Variants in ATG2A observed in about 807,000 individuals in gnomAD.
ATG2A encodes autophagy related 2A.
In ATG2A, 103 loss-of-function variants were observed where a neutral mutation model predicts 214.2. The observed-to-expected ratio is 0.48, with a 90% confidence interval of 0.41 to 0.57. The LOEUF (loss-of-function observed/expected upper bound fraction) is 0.57. Among genes scored for constraint, ATG2A ranks in the 20% least tolerant of loss-of-function variants. ATG2A has a pLI of 0.00. For synonymous variants in ATG2A, 1,160 were observed against 1,142.1 expected (o/e 1.02, Z -0.32); for missense variants, 2,312 against 2,613.2 (o/e 0.88, Z 2.51).
At position 64,912,384 on chromosome 11, in the gene ATG2A, G is replaced by A. The variant is rs373235409; in HGVS notation, c.865C>T (p.Leu289=). The change falls in exon 7 of 41, where the codon CTG becomes TTG. Residue 289 remains leucine (L), a synonymous_variant. Transcript: ENST00000377264. ...AGQLGSLHLL[L]TPRQLQQLQE... is the part of the protein sequence containing the mutation. ...AGTTGCTGGAGCTGCCTCGGGGTCA[G>A]GAGCAGGTGCAGGGAGCCCAGCTGT... The A allele has an allele frequency of 7.7e-6, 12 of 1,559,212 alleles. No individual in the cohort carries two copies. The highest frequency in any genetic ancestry group is 1.0e-5 in the Non-Finnish European group (12 of 1,151,942).
chr11:64,902,850 A>T lies in ATG2A; in HGVS notation c.3613-170T>A, dbSNP rs938164233. On this transcript the variant is annotated intron_variant, in intron 26 of 40. Coordinates refer to ENST00000377264, the MANE Select transcript of ATG2A (RefSeq NM_015104.3). ...CAGTAACTCCACTGAACAGATGAACAAACTGTTCACCCAGAGGGTGAAAGG... is the reference window on the plus strand; with the variant it reads ...CAGTAACTCCACTGAACAGATGAACTAACTGTTCACCCAGAGGGTGAAAGG... Among the ~76,000 whole-genome samples, 4 of 152,108 alleles carry T rather than the reference A, an allele frequency of 2.6e-5. No individual in the cohort carries two copies. The South Asian group carries it at 8.3e-4, about 31-fold the overall frequency.
In ATG2A at chr11:64,911,157, A is replaced by G. The variant is rs1565063907; in HGVS notation, c.1347T>C (p.Pro449=). ...LQTSAPSSGP[P]DLATHFFTEF... ...CGGTGAAAAAGTGCGTGGCGAGGTC[A>G]GGTGGTCCGGAAGATGGGGCAGACG... is the stretch of plus-strand genomic sequence containing the variant. The change falls in exon 10 of 41, where the codon CCT becomes CCC. Residue 449 remains proline, a synonymous_variant. Coordinates refer to ENST00000377264, the MANE Select transcript of ATG2A (RefSeq NM_015104.3). 2 of 1,614,132 alleles carry G rather than the reference A, an allele frequency of 1.2e-6. No homozygotes were observed. Among genetic ancestry groups the G allele is most frequent in the Non-Finnish European group, 1.7e-6 (2 of 1,180,022 alleles).
rs375146931 is a variant in ATG2A at position 64,895,428 on chromosome 11, G to C, written c.5442C>G (p.Thr1814=). ...CTGCCGGGGACAGGATGTCATACACGGTCTCAGCTGTGGCCTGGGGGACAT... is the reference window on the plus strand; with the variant it reads ...CTGCCGGGGACAGGATGTCATACACCGTCTCAGCTGTGGCCTGGGGGACAT... ...LVQAIQATAE[T]VYDILSPAAP... Residue 1814 remains threonine (T), a synonymous_variant, in exon 40 of 41, where the codon ACC becomes ACG. Transcript: ENST00000377264. The surrounding 1 kb of genome is among the most constrained non-coding windows in gnomAD (Gnocchi z 5.0). 3 of 1,592,404 alleles carry C rather than the reference G, an allele frequency of 1.9e-6. No individual in the cohort carries two copies. The highest frequency in any genetic ancestry group is 2.3e-5 in the South Asian group (2 of 88,598).
chr11:64,895,129 C>T lies in ATG2A; in HGVS notation c.5661G>A (p.Gly1887=), dbSNP rs373819205. Reference sequence around the variant, plus strand: ...TCGGGGGCAGCTGGCGGATCACGCCCCCCACGGCGCCCGTCAGCCCCTTCT... The same window carrying T: ...TCGGGGGCAGCTGGCGGATCACGCCTCCCACGGCGCCCGTCAGCCCCTTCT... ...HEQKGLTGAV[G]GVIRQLPPTV... The change falls in exon 41 of 41, where the codon GGG becomes GGA. Residue 1887 remains glycine, a synonymous_variant. Transcript: ENST00000377264. The surrounding 1 kb of genome is among the most constrained non-coding windows in gnomAD (Gnocchi z 5.0). 20 of 1,612,944 alleles carry T rather than the reference C, an allele frequency of 1.2e-5. No individual in the cohort carries two copies. The African/African-American group carries it at 1.7e-4, about 14-fold the overall frequency.
rs1336456909 is a variant in ATG2A at position 64,910,653 on chromosome 11, T to C, written c.1670A>G (p.His557Arg). 5.6e-6 allele frequency: 9 copies of C among 1,609,174 alleles called. No homozygotes were observed. In the Admixed American group the frequency reaches 1.0e-4, roughly 18 times the overall value. The stretch of plus-strand genomic sequence containing the variant: ...GCGCAGGATCTGTGTGTGGCGCAGA[T>C]GGGCGCAGGGCCGAGCTGAGGCCTG... ...GSQASARPCA[H>R]LRHTQILRRV... is the part of the protein sequence containing the mutation. Residue 557 changes from histidine (H) to arginine (R), a missense_variant, in exon 12 of 41, where the codon CAT (histidine) becomes CGT (arginine). By Grantham distance (29) the His-to-Arg change is conservative. Coordinates refer to ENST00000377264, the MANE Select transcript of ATG2A (RefSeq NM_015104.3).
rs1555184361 is a variant in ATG2A at position 64,903,662 on chromosome 11, T to TG, written c.3465-3dup. On this transcript the variant is annotated splice_region_variant and splice_polypyrimidine_tract_variant and intron_variant, in intron 24 of 40. Coordinates refer to ENST00000377264, the MANE Select transcript of ATG2A (RefSeq NM_015104.3). The surrounding 1 kb of genome is among the most constrained non-coding windows in gnomAD (Gnocchi z 4.2). ...AAGGCGGAGTCATCGAGGATGAACC[T>TG]GGGGGGGAACAGGGCTGAGAAGGGC... 16 of 1,548,834 alleles carry TG rather than the reference T, an allele frequency of 1.0e-5. No homozygotes were observed. The highest frequency in any genetic ancestry group is 2.4e-5 in the East Asian group (1 of 40,862).
chr11:64,905,425 C>T (rs1203685320), intron 24 of ATG2A, 138 bp downstream of exon 24: 19 of 987,986 alleles, frequency 1.9e-5, no homozygotes, highest in Admixed American at 8.4e-5. Flanking sequence ...TCTAGAAAGG[C>T]GGAAACAATC....
At chr11:64,910,975 G>A (rs200143893) in intron 10 of ATG2A, 21 bp from the exon 11 acceptor site, 135 of 1,613,494 alleles carry the variant, frequency 8.4e-5, no homozygotes, top group East Asian at 7.4e-4. Flanking sequence ...GAGGACAGGC[G>A]TCAGAAGGTG....
chr11:64,898,436 G>T lies in ATG2A; in HGVS notation c.4672-74C>A, dbSNP rs1375862174. 1 of 1,408,822 alleles carries T rather than the reference G, an allele frequency of 7.1e-7. No individual in the cohort carries two copies. The highest frequency in any genetic ancestry group is 2.2e-5 in the Admixed American group (1 of 44,574). 87.3% of individuals were successfully genotyped at this position (1,408,822 alleles called of 1,614,324 possible). A position where few individuals can be genotyped will look rare whatever the true frequency, so the allele number is the denominator to read the frequency against. Reference sequence around the variant, plus strand: ...CAGCTCACCCAGCTGTTCCCTGACAGCTCACCCAGCCACCCTGCCTCTGAA... The same window carrying T: ...CAGCTCACCCAGCTGTTCCCTGACATCTCACCCAGCCACCCTGCCTCTGAA... On this transcript the variant is annotated intron_variant, in intron 32 of 40. Transcript: ENST00000377264. The surrounding 1 kb of genome is among the most constrained non-coding windows in gnomAD (Gnocchi z 4.5).
Position 64,895,026 on chromosome 11 carries a change from C to T in ATG2A, c.5764G>A (p.Asp1922Asn), listed in dbSNP as rs770626688. 7.4e-6 allele frequency: 12 copies of T among 1,613,116 alleles called. No homozygotes were observed. The highest frequency in any genetic ancestry group is 3.3e-5 in the Admixed American group (2 of 59,984). ...LGGMRNQIVPDAHKDHALKWR... is the reference protein window; with the variant it reads ...LGGMRNQIVPNAHKDHALKWR... ...TTGAGGGCGTGGTCCTTGTGGGCGT[C>T]GGGGACAATCTGGTTGCGCATGCCC... The change falls in exon 41 of 41, where the codon GAC (aspartate) becomes AAC (asparagine). Residue 1922 changes from aspartate to asparagine, a missense_variant. Asp to Asn is a conservative substitution (Grantham distance 23, BLOSUM62 1). Coordinates refer to ENST00000377264, the MANE Select transcript of ATG2A (RefSeq NM_015104.3). This position sits in a 1 kb window ranked among gnomAD's most constrained non-coding sequence, Gnocchi z 5.0.
chr11:64,906,063 C>A, intron 22 of ATG2A, 50 bp downstream of exon 22: 1 of 1,537,800 alleles, frequency 6.5e-7, no homozygotes, highest in Middle Eastern at 1.7e-4. Context: ...TTGCCCAAAA[C>A]AGAAGTCCAG....
intron 21 of ATG2A, 58 bp from the exon 22 acceptor site, chr11:64,906,251 CCTCACCGCGCACTGGGGT>C: frequency 6.2e-7 from 1 of 1,605,308 alleles, no homozygotes; most frequent in South Asian, 1.1e-5. Context: ...TGCACTGGGG[CCTCACCGCGCACTGGGGT>C]CCCACCGCAC....
chr11:64,899,707 C>G (rs1026555892), intron 31 of ATG2A, among the ~76,000 whole-genome samples: 3 of 152,114 alleles, frequency 2.0e-5, no homozygotes, highest in Non-Finnish European at 4.4e-5. Context: ...CACTAGCCCT[C>G]CCTGATTGCT....
intron 6 of ATG2A, 76 bp downstream of exon 6, chr11:64,912,962 A>T: frequency 9.4e-7 from 1 of 1,065,564 alleles, no homozygotes; most frequent in Non-Finnish European, 1.3e-6. Flanking sequence ...TGTGGGCTGT[A>T]GATAATCAGC....
At chr11:64,911,738 C>T in intron 9 of ATG2A, 104 bp downstream of exon 9, 2 of 1,479,798 alleles carry the variant, frequency 1.4e-6, no homozygotes, top group Non-Finnish European at 1.8e-6. Context: ...GGTAGATATC[C>T]AGGCATCGCT....
rs1590634029 is a variant in ATG2A, at chr11:64,903,367, G to A, written c.3536-3C>T. The A allele has an allele frequency of 6.2e-7, 1 of 1,614,050 alleles. No individual in the cohort carries two copies. Among genetic ancestry groups the A allele is most frequent in the East Asian group, 2.2e-5 (1 of 44,882 alleles). Reference sequence around the variant, plus strand: ...AACATCCAAAACACAGACATAATCTGCAGCAGAGGCGAGAGAAAGGTCCTG... The same window carrying A: ...AACATCCAAAACACAGACATAATCTACAGCAGAGGCGAGAGAAAGGTCCTG... On this transcript the variant is annotated splice_polypyrimidine_tract_variant and splice_region_variant and intron_variant, in intron 25 of 40. Transcript: ENST00000377264. This position sits in a 1 kb window ranked among gnomAD's most constrained non-coding sequence, Gnocchi z 4.2.
In ATG2A at chr11:64,894,890, C is replaced by T. The variant is rs1466301848; in HGVS notation, c.*83G>A. The T allele has an allele frequency of 1.3e-6, 2 of 1,530,382 alleles. No homozygotes were observed. Among genetic ancestry groups the T allele is most frequent in the Non-Finnish European group, 1.8e-6 (2 of 1,114,200 alleles). The allele number at this position is 1,530,382 out of a possible 1,614,324, so 94.8% of individuals were successfully genotyped here. A position where few individuals can be genotyped will look rare whatever the true frequency, so the allele number is the denominator to read the frequency against. On this transcript the variant is annotated 3_prime_UTR_variant, in exon 41 of 41. Transcript: ENST00000377264. ...AGTGGCCATCCCCTGAAGGGCCAGG[C>T]CGGGCCGGGCCCGTGGGCTGCAGCT...
intron 24 of ATG2A, among the ~76,000 whole-genome samples, chr11:64,905,016 C>T (rs1191624986): frequency 8.5e-5 from 13 of 152,164 alleles, no homozygotes; most frequent in African/African-American, 2.7e-4. Context: ...CCACCACCCC[C>T]GGCTCATTTT....
At chr11:64,902,787 A>C (rs1944404377) in intron 26 of ATG2A, 107 bp from the exon 27 acceptor site, 2 of 1,022,870 alleles carry the variant, frequency 2.0e-6, no homozygotes, top group East Asian at 5.1e-5. Flanking sequence ...TGCCACAGGC[A>C]GAACAGGGAT....
Sources: allele counts gnomAD v4.1 joint callset (sites outside exome capture counted in the v4.1 genomes callset), GRCh38; gene constraint gnomAD v4.1.1; non-coding constraint Gnocchi (gnomAD v3.1); transcripts MANE v1.5; gene names NCBI Gene and HGNC (gene_info 2026-07-23, HGNC 2026-07-21).